GPR179: variants seen among roughly 807,000 people sequenced by gnomAD.
GPR179 encodes G protein-coupled receptor 179, also known as probable G protein-coupled receptor 179.
Under a neutral mutation model 70.8 loss-of-function variants are expected in GPR179, and 52 were observed. The observed-to-expected ratio is 0.73, with a 90% CI of 0.59 to 0.93. The LOEUF (loss-of-function observed/expected upper bound fraction) is 0.93. Ranked by LOEUF, GPR179 falls within the 40% of genes least tolerant of loss-of-function variation. The pLI is 0.00. For synonymous variants in GPR179, 1,123 were observed against 1,169.0 expected, an observed-to-expected ratio of 0.96 and a Z score of 0.80; for missense variants, 2,734 against 2,966.8, an observed-to-expected ratio of 0.92 and a Z score of 1.82.
rs756014456 is a variant in GPR179, at chr17:38,331,528, C to A, written c.2041G>T (p.Glu681Ter). Residue 681 changes from glutamate to a stop codon, truncating the protein, a stop_gained, in exon 11 of 11, where the codon GAG becomes TAG. Transcript: ENST00000616987. LOFTEE classifies it low-confidence loss of function (END_TRUNC). Reference protein sequence around the residue: ...HSLDPGDIRDELKKLYAQLEV... With the variant: ...HSLDPGDIRD ...AGCTGGGCATAGAGCTTCTTCAGCTCGTCCTGTGGGGCAGCAGGGAGGAAA... is the reference window on the plus strand; with the variant it reads ...AGCTGGGCATAGAGCTTCTTCAGCTAGTCCTGTGGGGCAGCAGGGAGGAAA... 5.0e-6 allele frequency: 8 copies of A among 1,598,838 alleles called. No individual in the cohort carries two copies. Among genetic ancestry groups the A allele is most frequent in the Non-Finnish European group, 6.8e-6 (8 of 1,169,634 alleles).
intron 10 of GPR179, 86 bp from the exon 11 acceptor site, chr17:38,331,617 T>G (rs1248686848): frequency 6.7e-7 from 1 of 1,500,754 alleles, no homozygotes; most frequent in East Asian, 2.3e-5. Flanking sequence ...TGCCTAGACC[T>G]TTTTCCCTTA....
Position 38,343,855 on chromosome 17 carries a change from G to C in GPR179, c.-66C>G, listed in dbSNP as rs1597672040. The C allele has an allele frequency of 6.7e-6, 9 of 1,334,784 alleles. No individual in the cohort carries two copies. In the East Asian group the frequency reaches 2.3e-4, roughly 34 times the overall value. 82.7% of individuals were successfully genotyped at this position (1,334,784 alleles called of 1,614,324 possible). A position where few individuals can be genotyped will look rare whatever the true frequency, so the allele number is the denominator to read the frequency against. On this transcript the variant is annotated 5_prime_UTR_variant, in exon 1 of 11. Transcript: ENST00000616987. This position sits in a 1 kb window ranked among gnomAD's most constrained non-coding sequence, Gnocchi z 4.2. ...AGAGCCCAGGCAGAGGCTGGCTGCA[G>C]TCTGGGGGCTGTCGGCCTCCACGCC...
At chr17:38,333,546 C>T in intron 9 of GPR179, 149 bp from the exon 10 acceptor site, 2 of 848,138 alleles carry the variant, frequency 2.4e-6, no homozygotes, top group East Asian at 2.7e-5. Context: ...GAGTTTTACT[C>T]CCCTCATCCT....
rs749037669 is a variant in GPR179, at chr17:38,333,296, G to A, written c.1992C>T (p.Ile664=). 1.5e-5 allele frequency: 25 copies of A among 1,613,890 alleles called. No homozygotes were observed. In the Admixed American group the frequency reaches 1.8e-4, roughly 12 times the overall value. ...QHSGSYLGSS[I]ASAWSEHSLD... ...GGCTGTGCTCACTCCAGGCTGAGGCGATGCTGCTGCCAAGGTAGGAGCCTG... is the reference window on the plus strand; with the variant it reads ...GGCTGTGCTCACTCCAGGCTGAGGCAATGCTGCTGCCAAGGTAGGAGCCTG... Residue 664 remains isoleucine, a synonymous_variant, in exon 10 of 11, where the codon ATC becomes ATT. Transcript: ENST00000616987.
At chr17:38,341,716 T>C (rs552728711) in intron 1 of GPR179, among the ~76,000 whole-genome samples, 9 of 152,318 alleles carry the variant, frequency 5.9e-5, no homozygotes, top group African/African-American at 2.2e-4. Context: ...ATCACAAGCT[T>C]CTGCGTCAGG....
In GPR179 at chr17:38,333,263, AG is replaced by A. The variant is rs2037374574; in HGVS notation, c.2024del (p.Pro675LeufsTer8). ...ASAWSEHSLD[P>X]GDIRDELKKL... ...GGGTGGCACATACCCGAATGTCTCCAGGGTCCAGGCTGTGCTCACTCCAGGC... is the reference window on the plus strand; with the variant it reads ...GGGTGGCACATACCCGAATGTCTCCAGGTCCAGGCTGTGCTCACTCCAGGC... On this transcript the variant is annotated frameshift_variant, in exon 10 of 11. Transcript: ENST00000616987. LOFTEE classifies it low-confidence loss of function (END_TRUNC). 3 of 1,613,780 alleles carry A rather than the reference AG, an allele frequency of 1.9e-6. No individual in the cohort carries two copies. The highest frequency in any genetic ancestry group is 2.2e-5 in the East Asian group (1 of 44,870).
chr17:38,338,249 G>C (rs534520880), intron 2 of GPR179, among the ~76,000 whole-genome samples: 22 of 152,348 alleles, frequency 1.4e-4, no homozygotes, highest in African/African-American at 5.3e-4. Context: ...CTAATGCCAG[G>C]CTGGTGGGAT....
rs966241764 is a variant in GPR179, at chr17:38,329,210, C to G, written c.4359G>C (p.Gly1453=). The G allele has an allele frequency of 5.6e-6, 9 of 1,613,982 alleles. No individual in the cohort carries two copies. The highest frequency in any genetic ancestry group is 7.6e-6 in the Non-Finnish European group (9 of 1,179,956). Residue 1453 remains glycine, a synonymous_variant, in exon 11 of 11, where the codon GGG becomes GGC. Transcript: ENST00000616987. The part of the protein sequence containing the change: ...IQAPGSSECS[G]SLGSGIAEVC... ...CTTCAGCAATGCCACTGCCCAAACT[C>G]CCTGAACACTCTGAGCTTCCTGGGG... is the stretch of plus-strand genomic sequence containing the variant.
chr17:38,341,642 TC>T (rs992310519), intron 1 of GPR179, among the ~76,000 whole-genome samples: 1 of 152,140 alleles, frequency 6.6e-6, no homozygotes, highest in Non-Finnish European at 1.5e-5. Context: ...GCTGCTCCCT[TC>T]CCAATAGGAC....
At chr17:38,335,318 A>C in intron 6 of GPR179, 47 bp from the exon 7 acceptor site, 1 of 1,426,312 alleles carries the variant, frequency 7.0e-7, no homozygotes, top group Middle Eastern at 1.8e-4. Flanking sequence ...ACCTGGGTGG[A>C]TCACGAAGAG....
Position 38,334,325 on chromosome 17 carries a change from C to A in GPR179, c.1785-287G>T, listed in dbSNP as rs1288197146. 6.6e-6 allele frequency among the ~76,000 whole-genome samples: 1 copy of A among 152,218 alleles called. No homozygotes were observed. The highest frequency in any genetic ancestry group is 1.5e-5 in the Non-Finnish European group (1 of 68,042). ...CTCTGTGGGTTAACTCTGCCTCCACCACAGGGTCTGGTCGTTATGGACAAA... is the reference window on the plus strand; with the variant it reads ...CTCTGTGGGTTAACTCTGCCTCCACAACAGGGTCTGGTCGTTATGGACAAA... On this transcript the variant is annotated intron_variant, in intron 8 of 10. Coordinates refer to ENST00000616987, the MANE Select transcript of GPR179 (RefSeq NM_001004334.4). This position sits in a 1 kb window ranked among gnomAD's most constrained non-coding sequence, Gnocchi z 4.7.
rs2037270899 is a variant in GPR179 at position 38,324,902 on chromosome 17, G to C, written c.*1563C>G. Among the ~76,000 whole-genome samples the C allele has an allele frequency of 6.6e-6, 1 of 152,118 alleles. No individual in the cohort carries two copies. Among genetic ancestry groups the C allele is most frequent in the Non-Finnish European group, 1.5e-5 (1 of 68,020 alleles). On this transcript the variant is annotated 3_prime_UTR_variant, in exon 11 of 11. Transcript: ENST00000616987. The stretch of plus-strand genomic sequence containing the variant: ...AGTACTTTTTTACTTTCTCTGTGAA[G>C]TCCCATAACCGCCCAGCATATTTAC...
rs143624972 is a variant in GPR179 at position 38,343,065 on chromosome 17, C to T, written c.725G>A (p.Arg242Gln). 355 of 1,614,044 alleles carry T rather than the reference C, an allele frequency of 2.2e-4. 1 individual carries two copies. In the African/African-American group the frequency reaches 3.9e-3, roughly 18 times the overall value. ...PFLECQEGRL[R>Q]PGWLITLSAT... ...AGAGAGTGTGATCAGCCATCCAGGT[C>T]GGAGCCGTCCCTCCTGGCATTCCAG... The change falls in exon 1 of 11, where the codon CGA (arginine) becomes CAA (glutamine). Residue 242 changes from arginine (R) to glutamine (Q), a missense_variant. Coordinates refer to ENST00000616987, the MANE Select transcript of GPR179 (RefSeq NM_001004334.4). This position sits in a 1 kb window ranked among gnomAD's most constrained non-coding sequence, Gnocchi z 4.2.
Position 38,330,883 on chromosome 17 carries a change from C to T in GPR179, c.2686G>A (p.Gly896Arg). ...GAAGGTGGAGCTGACAGGGGGGCCC[C>T]TCGAGGCCGCTCCAGCCTCCTGGCT... is the stretch of plus-strand genomic sequence containing the variant. ...PSARRLERPR[G>R]APLSAPPSPA... The change falls in exon 11 of 11, where the codon GGG (glycine) becomes AGG (arginine). Residue 896 changes from glycine to arginine, a missense_variant. Transcript: ENST00000616987. 6.2e-7 allele frequency: 1 copy of T among 1,600,384 alleles called. No homozygotes were observed.
rs751358509 is a variant in GPR179 at position 38,331,097 on chromosome 17, C to T, written c.2472G>A (p.Thr824=). The T allele has an allele frequency of 1.6e-5, 25 of 1,601,734 alleles. No individual in the cohort carries two copies. Among genetic ancestry groups the T allele is most frequent in the African/African-American group, 8.0e-5 (6 of 74,896 alleles). ...GFRSASAHNL[T]VGERLPRARP... The stretch of plus-strand genomic sequence containing the variant: ...GGGCTCTGGGTAGCCTCTCTCCCAC[C>T]GTCAGGTTGTGGGCGCTGGCTGACC... The change falls in exon 11 of 11, where the codon ACG becomes ACA. Residue 824 remains threonine, a synonymous_variant. Coordinates refer to ENST00000616987, the MANE Select transcript of GPR179 (RefSeq NM_001004334.4).
Position 38,333,412 on chromosome 17 carries a change from TA to T in GPR179, c.1891-16del. On this transcript the variant is annotated splice_polypyrimidine_tract_variant and intron_variant, in intron 9 of 10. Coordinates refer to ENST00000616987, the MANE Select transcript of GPR179 (RefSeq NM_001004334.4). ...AGCTTCCAGAACTGGCAGGGGTGCA[TA>T]AGAGTGGGAAAAAGACTCGCCCTGG... The T allele has an allele frequency of 6.2e-7, 1 of 1,611,498 alleles. No individual in the cohort carries two copies. The highest frequency in any genetic ancestry group is 1.3e-5 in the African/African-American group (1 of 74,934).
In GPR179 at chr17:38,331,167, G is replaced by C. The variant is rs1235039189; in HGVS notation, c.2402C>G (p.Thr801Arg). The C allele has an allele frequency of 1.7e-5, 27 of 1,608,292 alleles. No individual in the cohort carries two copies. The highest frequency in any genetic ancestry group is 1.9e-5 in the Non-Finnish European group (23 of 1,179,502). Residue 801 changes from threonine to arginine, a missense_variant, in exon 11 of 11, where the codon ACA becomes AGA. Coordinates refer to ENST00000616987, the MANE Select transcript of GPR179 (RefSeq NM_001004334.4). ...RRKLAKKASRTESRESVEGPP... is the reference protein window; with the variant it reads ...RRKLAKKASRRESRESVEGPP... ...CCCCTCCACCGACTCCCGGCTCTCT[G>C]TTCGAGAGGCCTTCTTGGCCAGCTT...
intron 10 of GPR179, 142 bp from the exon 11 acceptor site, chr17:38,331,673 T>C: frequency 7.1e-7 from 1 of 1,417,998 alleles, no homozygotes; most frequent in South Asian, 1.6e-5. Context: ...CTTCTAAAAC[T>C]CTCGTAATTC....
chr17:38,332,984 C>T (rs565664475), intron 10 of GPR179, among the ~76,000 whole-genome samples: 2 of 152,372 alleles, frequency 1.3e-5, no homozygotes, highest in Admixed American at 1.3e-4. Context: ...GAGTAGGGCT[C>T]CACTCTCGGC....
Sources: gnomAD v4.1 joint callset for allele counts (sites outside exome capture counted in the v4.1 genomes callset) on GRCh38, gnomAD v4.1.1 for gene constraint, Gnocchi (gnomAD v3.1) non-coding constraint, MANE v1.5 for transcripts, NCBI Gene and HGNC (gene_info 2026-07-23, HGNC 2026-07-21) for gene names.